PDE6C: variants seen among roughly 807,000 people sequenced by gnomAD.
The protein encoded by PDE6C is cone cGMP-specific 3',5'-cyclic phosphodiesterase subunit alpha'.
In PDE6C, 75 loss-of-function variants were observed where a neutral mutation model predicts 113.1. The ratio of observed to expected loss-of-function variants is 0.66; its 90% CI spans 0.55 to 0.80. The LOEUF (loss-of-function observed/expected upper bound fraction) is 0.80. Ranked by LOEUF, PDE6C falls within the 30% of genes least tolerant of loss-of-function variation. The probability of loss-of-function intolerance (pLI) is 0.00; values close to 1 mark genes in which losing one functional copy is unlikely to be tolerated. For missense variants in PDE6C, 912 were observed against 1,038.6 expected, an observed-to-expected ratio of 0.88 and a Z score of 1.67; for synonymous variants, 375 against 363.7, an observed-to-expected ratio of 1.03 and a Z score of -0.35.
Position 93,626,823 on chromosome 10 carries a change from C to T in PDE6C, c.1023C>T (p.His341=). 2 of 1,614,016 alleles carry T rather than the reference C, an allele frequency of 1.2e-6. No individual in the cohort carries two copies. The highest frequency in any genetic ancestry group is 1.7e-6 in the Non-Finnish European group (2 of 1,179,944). The change falls in exon 7 of 22, where the codon CAC becomes CAT. Residue 341 remains histidine (H), a synonymous_variant. Coordinates refer to ENST00000371447, the MANE Select transcript of PDE6C (RefSeq NM_006204.4). Reference sequence around the variant, plus strand: ...CCCCAAGGACGCCTCCTGCAGACCACTGGACACTCATTAGTGGGTTGCCAA... The same window carrying T: ...CCCCAAGGACGCCTCCTGCAGACCATTGGACACTCATTAGTGGGTTGCCAA... ...IKVIPTPPAD[H]WTLISGLPTY... is the part of the protein sequence containing the mutation.
At chr10:93,625,971 G>T (rs539470997) in intron 5 of PDE6C, among the ~76,000 whole-genome samples, 1 of 152,172 alleles carries the variant, frequency 6.6e-6, no homozygotes, top group Non-Finnish European at 1.5e-5. Context: ...AGATATGTGG[G>T]ATTAGAATCT....
rs867202963 is a variant in PDE6C, at chr10:93,635,568, C to A, written c.1341C>A (p.Asn447Lys). ...DTYDKMNKLE[N>K]RKDIAQEMLM... Reference sequence around the variant, plus strand: ...ACGATAAGATGAATAAGCTAGAAAACAGAAAGGACATTGCTCAGGAAATGC... The same window carrying A: ...ACGATAAGATGAATAAGCTAGAAAAAAGAAAGGACATTGCTCAGGAAATGC... The change falls in exon 10 of 22, where the codon AAC (asparagine) becomes AAA (lysine). Residue 447 changes from asparagine to lysine, a missense_variant. Asn to Lys is a moderately conservative substitution (Grantham distance 94, BLOSUM62 0). Transcript: ENST00000371447. 6.2e-7 allele frequency: 1 copy of A among 1,613,272 alleles called. No individual in the cohort carries two copies. The highest frequency in any genetic ancestry group is 1.3e-5 in the African/African-American group (1 of 74,904).
Position 93,613,078 on chromosome 10 carries a change from C to T in PDE6C, c.353C>T (p.Thr118Ile). ...PEVASRLLDVTPTSKFEDNLV... is the reference protein window; with the variant it reads ...PEVASRLLDVIPTSKFEDNLV... ...GTGGCCTCTAGGTTGCTGGATGTCA[C>T]CCCCACCTCCAAGTTTGAGGACAAC... Residue 118 changes from threonine (T) to isoleucine (I), a missense_variant, in exon 1 of 22, where the codon ACC (threonine) becomes ATC (isoleucine). Transcript: ENST00000371447. 7 of 1,614,184 alleles carry T rather than the reference C, an allele frequency of 4.3e-6. No individual in the cohort carries two copies. The highest frequency in any genetic ancestry group is 5.9e-6 in the Non-Finnish European group (7 of 1,180,040).
intron 4 of PDE6C, among the ~76,000 whole-genome samples, chr10:93,623,320 T>C (rs2058457562): frequency 6.6e-6 from 1 of 152,246 alleles, no homozygotes; most frequent in Admixed American, 6.5e-5. Context: ...TGTTTTCTTA[T>C]CATTCAATTG....
chr10:93,652,209 T>C (rs74405826), intron 15 of PDE6C, among the ~76,000 whole-genome samples: 9,260 of 152,192 alleles, frequency 0.061, 928 homozygotes, highest in African/African-American at 0.21. Flanking sequence ...GGCCACAAAT[T>C]TGGCCAAAAC....
chr10:93,663,468 T>C (rs1240603815), intron 21 of PDE6C, among the ~76,000 whole-genome samples: 1 of 152,150 alleles, frequency 6.6e-6, no homozygotes, highest in African/African-American at 2.4e-5. Context: ...ACTGGGTGCT[T>C]AGGGATAATA....
chr10:93,620,588 A>G (rs756963094), intron 1 of PDE6C, 44 bp from the exon 2 acceptor site: 27 of 1,602,618 alleles, frequency 1.7e-5, no homozygotes, highest in Middle Eastern at 1.7e-4. Flanking sequence ...CTACCACTCT[A>G]TGATTTTGTG....
intron 14 of PDE6C, among the ~76,000 whole-genome samples, chr10:93,641,539 G>A (rs1361802161): frequency 6.6e-6 from 1 of 152,098 alleles, no homozygotes. Flanking sequence ...GTAGACGTGT[G>A]CCTCTGAGGT....
At chr10:93,626,745 A>AT (rs763659431) in intron 6 of PDE6C, 41 bp downstream of exon 6, 110 of 1,605,104 alleles carry the variant, frequency 6.9e-5, no homozygotes, top group Non-Finnish European at 9.0e-5. Context: ...TTGCCGTTGT[A>AT]TTTTTGCACA....
At position 93,640,444 on chromosome 10, in the gene PDE6C, T is replaced by C. The variant is rs1255083231; in HGVS notation, c.1630-6T>C. 6.2e-7 allele frequency: 1 copy of C among 1,601,012 alleles called. No individual in the cohort carries two copies. Among genetic ancestry groups the C allele is most frequent in the South Asian group, 1.1e-5 (1 of 90,846 alleles). On this transcript the variant is annotated splice_region_variant and splice_polypyrimidine_tract_variant and intron_variant, in intron 12 of 21. Transcript: ENST00000371447. ...CCAAAGTCTGAATGGTGTCATCTTC[T>C]TTTAGGTTCTTACCAGATGGATGTA...
At chr10:93,645,294 C>T (rs75785520) in intron 14 of PDE6C, among the ~76,000 whole-genome samples, 313 of 152,322 alleles carry the variant, frequency 2.1e-3, no homozygotes, top group African/African-American at 7.3e-3. Flanking sequence ...TGACCTCTCC[C>T]AGCCTAAAGT....
chr10:93,645,242 A>G (rs1589701300), intron 14 of PDE6C, among the ~76,000 whole-genome samples: 4 of 152,192 alleles, frequency 2.6e-5, no homozygotes, highest in Admixed American at 1.3e-4. Flanking sequence ...TTATTCCCCA[A>G]CTAAAGTATT....
Position 93,634,904 on chromosome 10 carries a change from C to G in PDE6C, c.1266C>G (p.Thr422=), listed in dbSNP as rs530593118. ...KPFDEHDEYI[T]ETLTQFLGWS... The stretch of plus-strand genomic sequence containing the variant: ...TCGATGAGCATGATGAATACATTAC[C>G]GAGGCAAGTGCAATAATAAGATAAT... The change falls in exon 9 of 22, where the codon ACC becomes ACG. Residue 422 remains threonine, a synonymous_variant. Coordinates refer to ENST00000371447, the MANE Select transcript of PDE6C (RefSeq NM_006204.4). The G allele has an allele frequency of 6.2e-7, 1 of 1,613,652 alleles. No homozygotes were observed. The highest frequency in any genetic ancestry group is 1.7e-5 in the Admixed American group (1 of 59,988).
intron 11 of PDE6C, among the ~76,000 whole-genome samples, chr10:93,639,722 G>A (rs918295286): frequency 6.6e-6 from 1 of 151,984 alleles, no homozygotes; most frequent in African/African-American, 2.4e-5. Flanking sequence ...CAGAAAAAAA[G>A]TTGAGTATCA....
At chr10:93,658,820 A>G in intron 16 of PDE6C, 81 bp from the exon 17 acceptor site, 1 of 863,106 alleles carries the variant, frequency 1.2e-6, no homozygotes, top group Non-Finnish European at 1.9e-6. Flanking sequence ...GGGAACGTGA[A>G]ATCTGAAAAG....
intron 8 of PDE6C, among the ~76,000 whole-genome samples, chr10:93,632,880 A>C (rs986430085): frequency 6.6e-6 from 1 of 152,218 alleles, no homozygotes; most frequent in Non-Finnish European, 1.5e-5. Flanking sequence ...TTGAGCACTT[A>C]TTACATGCTC....
intron 1 of PDE6C, 53 bp from the exon 2 acceptor site, chr10:93,620,579 T>C (rs2058440517): frequency 1.3e-6 from 2 of 1,570,416 alleles, no homozygotes; most frequent in Non-Finnish European, 1.8e-6. Context: ...TCCCTAGATC[T>C]ACCACTCTAT....
intron 11 of PDE6C, among the ~76,000 whole-genome samples, chr10:93,637,901 GCT>G (rs2058541528): frequency 6.6e-6 from 1 of 151,876 alleles, no homozygotes; most frequent in Admixed American, 6.6e-5. Context: ...ACGTGTAGGG[GCT>G]CTGAGTGATA....
rs752963712 is a variant in PDE6C at position 93,640,953 on chromosome 10, G to A, written c.1771G>A (p.Glu591Lys). The change falls in exon 14 of 22, where the codon GAA becomes AAA. Residue 591 changes from glutamate to lysine, a missense_variant. Coordinates refer to ENST00000371447, the MANE Select transcript of PDE6C (RefSeq NM_006204.4). ...GRLKKYYTDL[E>K]AFAMLAAAFC... ...ATTAAAGAAGTACTACACAGATCTC[G>A]AAGCCTTTGCCATGCTTGCTGCTGC... The A allele has an allele frequency of 4.3e-6, 7 of 1,612,352 alleles. No homozygotes were observed. Among genetic ancestry groups the A allele is most frequent in the East Asian group, 4.5e-5 (2 of 44,840 alleles).
Sources: allele counts gnomAD v4.1 joint callset (sites outside exome capture counted in the v4.1 genomes callset), GRCh38; gene constraint gnomAD v4.1.1; transcripts MANE v1.5; gene names NCBI Gene and HGNC (gene_info 2026-07-23, HGNC 2026-07-21).